METTL15: variants seen among roughly 807,000 people sequenced by gnomAD.
METTL15 encodes the protein 12S rRNA N(4)-cytidine methyltransferase METTL15.
A neutral mutation model predicts 38.3 loss-of-function variants in METTL15; 34 were observed. That is an observed-to-expected ratio of 0.89 (90% CI 0.68 to 1.18). The LOEUF (loss-of-function observed/expected upper bound fraction) is 1.18. Ranked by LOEUF, METTL15 falls within the 50% of genes most tolerant of loss-of-function variation. The probability of loss-of-function intolerance (pLI) is 0.00; values close to 1 mark genes in which losing one functional copy is unlikely to be tolerated. For synonymous variants in METTL15, 162 were observed against 170.9 expected, an observed-to-expected ratio of 0.95 and a Z score of 0.41; for missense variants, 438 against 498.4, an observed-to-expected ratio of 0.88 and a Z score of 1.15.
chr11:28,267,160 C>CAAAAA (rs57831121), intron 4 of METTL15, among the ~76,000 whole-genome samples: 3 of 53,756 alleles, frequency 5.6e-5, no homozygotes, highest in Non-Finnish European at 1.2e-4. Context: ...AACTCCATCT[C>CAAAAA]AAAAAAAAAA....
chr11:28,259,902 C>G (rs1855130293), intron 4 of METTL15, among the ~76,000 whole-genome samples: 1 of 152,152 alleles, frequency 6.6e-6, no homozygotes, highest in Admixed American at 6.6e-5. Flanking sequence ...GCCTTCTATT[C>G]TGCCATCTTG....
chr11:28,343,568 T>C (rs1037535496), intron 3 of METTL15, among the ~76,000 whole-genome samples: 1 of 152,228 alleles, frequency 6.6e-6, no homozygotes, highest in East Asian at 1.9e-4. Flanking sequence ...GCAGTCTTTC[T>C]TCAGATCAGT....
intron 3 of METTL15, among the ~76,000 whole-genome samples, chr11:28,130,463 G>A (rs998410769): frequency 2.0e-5 from 3 of 152,098 alleles, no homozygotes; most frequent in African/African-American, 7.2e-5. Context: ...AAAAATAAGT[G>A]TTATAAGAAA....
chr11:28,246,905 A>G (rs1854537680), intron 4 of METTL15, among the ~76,000 whole-genome samples: 2 of 152,186 alleles, frequency 1.3e-5, no homozygotes, highest in Admixed American at 1.3e-4. Context: ...TTTAATTTAA[A>G]TATAAAAACA....
intron 3 of METTL15, among the ~76,000 whole-genome samples, chr11:28,340,511 G>A (rs879072881): frequency 1.3e-5 from 2 of 152,106 alleles, no homozygotes; most frequent in African/African-American, 2.4e-5. Context: ...AGTGGGCAAA[G>A]GATATGAACA....
intron 6 of METTL15, among the ~76,000 whole-genome samples, chr11:28,439,902 A>G (rs1214566050): frequency 6.6e-6 from 1 of 152,226 alleles, no homozygotes; most frequent in African/African-American, 2.4e-5. Flanking sequence ...CAGATACAAG[A>G]AAATGTTCTG....
At chr11:28,418,923 A>G (rs1019193350) in intron 5 of METTL15, among the ~76,000 whole-genome samples, 2 of 152,186 alleles carry the variant, frequency 1.3e-5, no homozygotes, top group Non-Finnish European at 2.9e-5. Context: ...CTTAAGTTTC[A>G]TCAAGCCTTG....
chr11:28,389,392 C>T (rs1200224284), intron 5 of METTL15, among the ~76,000 whole-genome samples: 1 of 121,356 alleles, frequency 8.2e-6, no homozygotes, highest in East Asian at 2.8e-4. Context: ...TCCCCCCACC[C>T]CACAACAATC....
intron 6 of METTL15, among the ~76,000 whole-genome samples, chr11:28,324,224 T>C (rs1183855331): frequency 6.6e-6 from 1 of 152,240 alleles, no homozygotes; most frequent in African/African-American, 2.4e-5. Context: ...AAAGTTTACA[T>C]GAAATCTTAA....
At chr11:28,291,570 TGACCTGTAGTTGTTGG>T (rs926572495) in intron 5 of METTL15, among the ~76,000 whole-genome samples, 69 of 152,280 alleles carry the variant, frequency 4.5e-4, no homozygotes, top group African/African-American at 1.6e-3. Flanking sequence ...ACTTGGCTTG[TGACCTGTAGTTGTTGG>T]GACTCTGTTG....
At chr11:28,323,070 C>T (rs1483110297) in intron 6 of METTL15, among the ~76,000 whole-genome samples, 1 of 152,028 alleles carries the variant, frequency 6.6e-6, no homozygotes. Context: ...GTATTTTTGT[C>T]ATACATGTGT....
chr11:28,190,296 A>G (rs911745385), intron 3 of METTL15, among the ~76,000 whole-genome samples: 1 of 151,272 alleles, frequency 6.6e-6, no homozygotes, highest in Non-Finnish European at 1.5e-5. Flanking sequence ...TTTTATAAAT[A>G]ATGAATAGAG....
chr11:28,213,218 A>C (rs1852714706), intron 4 of METTL15, among the ~76,000 whole-genome samples: 1 of 152,188 alleles, frequency 6.6e-6, no homozygotes, highest in African/African-American at 2.4e-5. Flanking sequence ...CAAGGAAACA[A>C]ATCAGAGTAA....
chr11:28,477,094 C>A (rs552453302), intron 6 of METTL15, among the ~76,000 whole-genome samples: 8 of 152,286 alleles, frequency 5.3e-5, no homozygotes, highest in African/African-American at 1.9e-4. Flanking sequence ...TGACTAAAAT[C>A]CCCAGACTTG....
chr11:28,529,918 C>T (rs1396618951), downstream of METTL15, among the ~76,000 whole-genome samples: 2 of 151,990 alleles, frequency 1.3e-5, no homozygotes, highest in Non-Finnish European at 2.9e-5. Context: ...TTCTGATGTT[C>T]AAGGGTTGTG....
intron 6 of METTL15, among the ~76,000 whole-genome samples, chr11:28,483,588 T>TA (rs1203262637): frequency 6.6e-6 from 1 of 152,190 alleles, no homozygotes; most frequent in African/African-American, 2.4e-5. Flanking sequence ...AGATTGTAAA[T>TA]ATTTTTGTCT....
At chr11:28,384,502 G>T (rs895348257) in intron 5 of METTL15, among the ~76,000 whole-genome samples, 15 of 152,008 alleles carry the variant, frequency 9.9e-5, no homozygotes, top group African/African-American at 3.1e-4. Flanking sequence ...TAGAGATGTG[G>T]TTTCACCATG....
At chr11:28,314,081 A>G (rs972765363) in intron 6 of METTL15, among the ~76,000 whole-genome samples, 2 of 152,220 alleles carry the variant, frequency 1.3e-5, no homozygotes, top group Non-Finnish European at 2.9e-5. Flanking sequence ...AAAGATATCT[A>G]TAATTTATGA....
intron 5 of METTL15, among the ~76,000 whole-genome samples, chr11:28,291,660 A>G (rs905235879): frequency 1.3e-5 from 2 of 152,196 alleles, no homozygotes; most frequent in Admixed American, 6.5e-5. Flanking sequence ...GAATGTAATT[A>G]TAAAAGAAAA....
Sources: gnomAD v4.1 joint callset for allele counts (sites outside exome capture counted in the v4.1 genomes callset) on GRCh38, gnomAD v4.1.1 for gene constraint, MANE v1.5 for transcripts, NCBI Gene and HGNC (gene_info 2026-07-23, HGNC 2026-07-21) for gene names.